PFKFB3: variants seen among roughly 807,000 people sequenced by gnomAD.
The protein encoded by PFKFB3 is 6-phosphofructo-2-kinase/fructose-2,6-biphosphatase 3.
In PFKFB3, 33 loss-of-function variants were observed where a neutral mutation model predicts 68.0. That is an observed-to-expected ratio of 0.49 (90% CI 0.37 to 0.65). The LOEUF (loss-of-function observed/expected upper bound fraction) is 0.65. PFKFB3 is among the 30% of genes least tolerant of loss of function. The pLI, the probability that PFKFB3 is intolerant of heterozygous loss-of-function variation, is 0.00. For synonymous variants in PFKFB3, 315 were observed against 288.2 expected (o/e 1.09, Z -0.94); for missense variants, 586 against 712.2 (o/e 0.82, Z 2.02).
At chr10:6,186,428 C>G (rs1842870136) in intron 1 of PFKFB3, among the ~76,000 whole-genome samples, 1 of 152,214 alleles carries the variant, frequency 6.6e-6, no homozygotes, top group Non-Finnish European at 1.5e-5. Flanking sequence ...AAGGTTCATT[C>G]AGCTGAGCAG....
At chr10:6,210,364 G>GTTTTTTTT (rs1375867755) in intron 1 of PFKFB3, among the ~76,000 whole-genome samples, 1 of 58,638 alleles carries the variant, frequency 1.7e-5, no homozygotes, top group African/African-American at 4.1e-5. Flanking sequence ...TTGTTTTTTT[G>GTTTTTTTT]TTTTTTTTTT....
In PFKFB3 at chr10:6,220,908, G is replaced by A. The variant is rs181464025; in HGVS notation, c.831+43G>A. The A allele has an allele frequency of 8.1e-3, 12,762 of 1,574,198 alleles. 110 individuals carry two copies. The highest frequency in any genetic ancestry group is 8.3e-3 in the Non-Finnish European group (9,590 of 1,152,770). ...GCATGGGCCGTTCTGGCTGTAGGGC[G>A]GTTGCAGGGTCTATAGGGTGGGTGG... On this transcript the variant is annotated intron_variant, in intron 8 of 14. Coordinates refer to ENST00000379775, the MANE Select transcript of PFKFB3 (RefSeq NM_004566.4). This position sits in a 1 kb window ranked among gnomAD's most constrained non-coding sequence, Gnocchi z 4.1.
the PFKFB3 span, among the ~76,000 whole-genome samples, chr10:6,318,385 T>C: frequency 6.6e-6 from 1 of 152,208 alleles, no homozygotes; most frequent in Admixed American, 6.5e-5. Context: ...CCTTGCATTC[T>C]AAGGACAACC....
chr10:6,243,645 G>C (rs185610168), intron 14 of PFKFB3, among the ~76,000 whole-genome samples: 9 of 152,206 alleles, frequency 5.9e-5, no homozygotes, highest in Non-Finnish European at 1.2e-4. Flanking sequence ...AAATGGAGTG[G>C]GGAAGGTGTG....
intron 1 of PFKFB3, among the ~76,000 whole-genome samples, chr10:6,164,597 A>C (rs1215281064): frequency 2.0e-5 from 3 of 152,054 alleles, no homozygotes; most frequent in Non-Finnish European, 2.9e-5. Flanking sequence ...GGGGACTGGC[A>C]CTCAGCATAC....
chr10:6,227,441 CT>C (rs1285264000), intron 14 of PFKFB3, among the ~76,000 whole-genome samples: 2 of 152,198 alleles, frequency 1.3e-5, no homozygotes, highest in Non-Finnish European at 2.9e-5. Flanking sequence ...TTTTCCGAGA[CT>C]TCCTTAGACC....
At chr10:6,322,524 A>C in the PFKFB3 span, among the ~76,000 whole-genome samples, 9 of 152,250 alleles carry the variant, frequency 5.9e-5, no homozygotes, top group Admixed American at 5.9e-4. Context: ...TCCTTGCTTA[A>C]AACTTGTCAA....
chr10:6,236,596 C>T (rs1007341745), downstream of PFKFB3, among the ~76,000 whole-genome samples: 13 of 152,352 alleles, frequency 8.5e-5, no homozygotes, highest in Middle Eastern at 3.4e-3. Context: ...TGCAGCGTGA[C>T]GGGGCAGAGC....
the PFKFB3 span, among the ~76,000 whole-genome samples, chr10:6,260,174 G>T: frequency 6.6e-6 from 1 of 152,144 alleles, no homozygotes; most frequent in Non-Finnish European, 1.5e-5. Flanking sequence ...AGCACTTTGG[G>T]AGGCTGAGGC....
intron 14 of PFKFB3, among the ~76,000 whole-genome samples, chr10:6,227,938 G>C (rs959408982): frequency 6.6e-5 from 10 of 152,158 alleles, no homozygotes; most frequent in African/African-American, 1.7e-4. Context: ...TTGATGCTTG[G>C]GGGGACCAGG....
chr10:6,270,262 G>A, the PFKFB3 span, among the ~76,000 whole-genome samples: 1 of 152,162 alleles, frequency 6.6e-6, no homozygotes, highest in Non-Finnish European at 1.5e-5. Flanking sequence ...GGAACCAGTT[G>A]CTTTCCCTCT....
downstream of PFKFB3, among the ~76,000 whole-genome samples, chr10:6,257,568 G>A (rs113409352): frequency 0.012 from 1,888 of 152,232 alleles, 34 homozygotes; most frequent in African/African-American, 0.043. Context: ...GTGCTAGCCC[G>A]TGTCCAGAAT....
intron 1 of PFKFB3, among the ~76,000 whole-genome samples, chr10:6,183,171 A>T (rs959201152): frequency 1.3e-5 from 2 of 152,152 alleles, no homozygotes; most frequent in African/African-American, 2.4e-5. Flanking sequence ...CTTTCAGAAG[A>T]TCACCCAGTT....
the PFKFB3 span, among the ~76,000 whole-genome samples, chr10:6,312,759 CTCACAGT>C: frequency 1.3e-4 from 20 of 152,202 alleles, no homozygotes; most frequent in Non-Finnish European, 2.2e-4. Context: ...CGGCCGACTG[CTCACAGT>C]CAACTTCCAA....
the PFKFB3 span, among the ~76,000 whole-genome samples, chr10:6,274,521 C>T: frequency 6.6e-6 from 1 of 152,166 alleles, no homozygotes; most frequent in Admixed American, 6.5e-5. Flanking sequence ...CGTAATTTCA[C>T]AGTAGAGATG....
rs1564623172 is a variant in PFKFB3 at position 6,210,347 on chromosome 10, TTTTTTTTTG to T, written c.77-3268_77-3260del. Among the ~76,000 whole-genome samples, 6 of 29,828 alleles carry T rather than the reference TTTTTTTTTG, an allele frequency of 2.0e-4. 1 individual carries two copies. Among genetic ancestry groups the T allele is most frequent in the African/African-American group, 3.9e-4 (6 of 15,370 alleles). 19.6% of individuals were successfully genotyped at this position (29,828 alleles called of 152,430 possible). A position where few individuals can be genotyped will look rare whatever the true frequency, so the allele number is the denominator to read the frequency against. On this transcript the variant is annotated intron_variant, in intron 1 of 14. Transcript: ENST00000379775. Reference sequence around the variant, plus strand: ...GCGCCCCTCTCTTTGTTTTTTTTTGTTTTTTTTTGTTTTTTTGTTTTTTTTTTTTTTGAG... The same window carrying T: ...GCGCCCCTCTCTTTGTTTTTTTTTGTTTTTTTTGTTTTTTTTTTTTTTGAG...
intron 1 of PFKFB3, among the ~76,000 whole-genome samples, chr10:6,171,595 G>A (rs1842314498): frequency 1.3e-5 from 2 of 152,130 alleles, no homozygotes; most frequent in South Asian, 4.2e-4. Flanking sequence ...GTCCCTCTGT[G>A]TTGCTCGGGC....
At chr10:6,275,827 A>T in the PFKFB3 span, among the ~76,000 whole-genome samples, 3 of 149,200 alleles carry the variant, frequency 2.0e-5, no homozygotes, top group Non-Finnish European at 3.0e-5. The surrounding 1 kb of genome is among the most constrained non-coding windows in gnomAD (Gnocchi z 4.9). Context: ...AGAATGAAAC[A>T]TTTTTTTTTT....
intron 6 of PFKFB3, among the ~76,000 whole-genome samples, chr10:6,219,260 G>A (rs1301344478): frequency 4.6e-5 from 7 of 152,330 alleles, no homozygotes; most frequent in East Asian, 3.9e-4. Context: ...GCTGTCTGGC[G>A]GTGACTCGGG....
Sources: gnomAD v4.1 joint callset for allele counts (sites outside exome capture counted in the v4.1 genomes callset) on GRCh38, gnomAD v4.1.1 for gene constraint, Gnocchi (gnomAD v3.1) non-coding constraint, MANE v1.5 for transcripts, NCBI Gene and HGNC (gene_info 2026-07-23, HGNC 2026-07-21) for gene names.